The following ADAMTS19 variants were observed in gnomAD, a reference collection of about 807,000 sequenced individuals.
ADAMTS19 encodes the protein ADAM metallopeptidase with thrombospondin type 1 motif 19.
In ADAMTS19, 93 loss-of-function variants were observed where a neutral mutation model predicts 153.3. The observed-to-expected ratio is 0.61, with a 90% CI of 0.51 to 0.72. The LOEUF is 0.72. ADAMTS19 is among the 30% of genes least tolerant of loss of function. ADAMTS19 has a pLI of 0.00. For synonymous variants in ADAMTS19, 600 were observed against 556.6 expected, an observed-to-expected ratio of 1.08 and a Z score of -1.10; for missense variants, 1,482 against 1,552.1, an observed-to-expected ratio of 0.95 and a Z score of 0.76.
At position 129,612,952 on chromosome 5, in the gene ADAMTS19, A is replaced by C. The variant is rs567557560; in HGVS notation, c.1479-7666A>C. Among the ~76,000 whole-genome samples, 10 of 152,340 alleles carry C rather than the reference A, an allele frequency of 6.6e-5. No individual in the cohort carries two copies. In the South Asian group the frequency reaches 2.1e-3, roughly 32 times the overall value. On this transcript the variant is annotated intron_variant, in intron 8 of 22. Coordinates refer to ENST00000274487, the MANE Select transcript of ADAMTS19 (RefSeq NM_133638.6). Reference sequence around the variant, plus strand: ...AAAAGAGACAAAGAAGGCATTACATAATGGTAAAGGGATCAATTGAAAAAG... The same window carrying C: ...AAAAGAGACAAAGAAGGCATTACATCATGGTAAAGGGATCAATTGAAAAAG...
At chr5:129,474,859 G>A (rs1465166847) in intron 2 of ADAMTS19, among the ~76,000 whole-genome samples, 1 of 152,076 alleles carries the variant, frequency 6.6e-6, no homozygotes, top group African/African-American at 2.4e-5. Flanking sequence ...AGGTTCATGC[G>A]CCAGTTCATA....
chr5:129,505,462 A>G (rs1290627143), intron 2 of ADAMTS19, among the ~76,000 whole-genome samples: 1 of 152,188 alleles, frequency 6.6e-6, no homozygotes, highest in African/African-American at 2.4e-5. Context: ...TGAATAAATG[A>G]ACCATTTATA....
intron 16 of ADAMTS19, among the ~76,000 whole-genome samples, chr5:129,668,437 A>G (rs1043987517): frequency 1.3e-5 from 2 of 152,192 alleles, no homozygotes; most frequent in African/African-American, 4.8e-5. Flanking sequence ...TCAAGGCACT[A>G]ATAGATTTGG....
intron 7 of ADAMTS19, among the ~76,000 whole-genome samples, chr5:129,596,175 CTG>C (rs1248512158): frequency 1.3e-5 from 2 of 151,914 alleles, no homozygotes; most frequent in Non-Finnish European, 2.9e-5. Context: ...TTTTTTGAAA[CTG>C]TGTTCTTCAC....
intron 8 of ADAMTS19, among the ~76,000 whole-genome samples, chr5:129,608,470 A>G (rs1366691101): frequency 1.3e-5 from 2 of 152,106 alleles, no homozygotes; most frequent in Non-Finnish European, 2.9e-5. Flanking sequence ...CAGGAGGCAT[A>G]CATAGATTTG....
At chr5:129,690,656 A>G (rs1267386269) in intron 18 of ADAMTS19, among the ~76,000 whole-genome samples, 1 of 152,184 alleles carries the variant, frequency 6.6e-6, no homozygotes, top group Non-Finnish European at 1.5e-5. Flanking sequence ...AAGTCGTTTA[A>G]GTTAAATAAA....
At position 129,710,094 on chromosome 5, in the gene ADAMTS19, G is replaced by A. The variant is rs922492357; in HGVS notation, c.3312+5703G>A. Among the ~76,000 whole-genome samples the A allele has an allele frequency of 2.6e-5, 4 of 152,024 alleles. No individual in the cohort carries two copies. In the East Asian group the frequency reaches 7.7e-4, roughly 29 times the overall value. On this transcript the variant is annotated intron_variant, in intron 21 of 22. Transcript: ENST00000274487. Reference sequence around the variant, plus strand: ...ATCACCTAGGTATTAAGCCCTGCATGTATTAGCTATTTATCCTGATGCTCT... The same window carrying A: ...ATCACCTAGGTATTAAGCCCTGCATATATTAGCTATTTATCCTGATGCTCT...
chr5:129,564,079 C>T (rs1406496834), intron 7 of ADAMTS19, among the ~76,000 whole-genome samples: 1 of 151,992 alleles, frequency 6.6e-6, no homozygotes, highest in Non-Finnish European at 1.5e-5. Flanking sequence ...GCCACCATGC[C>T]CAGCTAATTT....
At chr5:129,596,766 A>G (rs1581127123) in intron 8 of ADAMTS19, 102 bp downstream of exon 8, 1 of 866,656 alleles carries the variant, frequency 1.2e-6, no homozygotes, top group Non-Finnish European at 1.7e-6. Flanking sequence ...TTGGGCTTCA[A>G]GTTTTTGAAA....
chr5:129,488,481 A>G (rs1750667379), intron 2 of ADAMTS19, among the ~76,000 whole-genome samples: 1 of 152,090 alleles, frequency 6.6e-6, no homozygotes, highest in African/African-American at 2.4e-5. Context: ...GTTTAAGAAA[A>G]TTAATCTAAG....
chr5:129,534,226 G>A (rs1258790471), intron 6 of ADAMTS19, among the ~76,000 whole-genome samples: 1 of 152,102 alleles, frequency 6.6e-6, no homozygotes, highest in East Asian at 1.9e-4. Context: ...ATGTGTGGGA[G>A]TCTAAGTCTC....
chr5:129,682,171 A>G (rs1019674920), intron 17 of ADAMTS19, among the ~76,000 whole-genome samples: 1 of 152,204 alleles, frequency 6.6e-6, no homozygotes, highest in Non-Finnish European at 1.5e-5. Context: ...CATGAAGCAT[A>G]ATTAAACTCA....
chr5:129,666,701 AT>A (rs762419498), intron 16 of ADAMTS19, among the ~76,000 whole-genome samples: 1 of 152,212 alleles, frequency 6.6e-6, no homozygotes, highest in Non-Finnish European at 1.5e-5. Flanking sequence ...TATTTAATCT[AT>A]TTTACTTACT....
At chr5:129,637,735 C>T (rs1752595946) in intron 10 of ADAMTS19, among the ~76,000 whole-genome samples, 1 of 152,116 alleles carries the variant, frequency 6.6e-6, no homozygotes, top group South Asian at 2.1e-4. Flanking sequence ...ATCCCAGCTA[C>T]TTAGGTGGCT....
chr5:129,524,620 A>T (rs1751939189), intron 3 of ADAMTS19, among the ~76,000 whole-genome samples: 2 of 151,924 alleles, frequency 1.3e-5, no homozygotes. Context: ...GAAAAAAAAA[A>T]AACATCAAAA....
intron 13 of ADAMTS19, 82 bp from the exon 14 acceptor site, chr5:129,654,224 A>C (rs1463889591): frequency 7.5e-7 from 1 of 1,332,550 alleles, no homozygotes; most frequent in African/African-American, 1.5e-5. Context: ...TTACTCAATA[A>C]CGATTCTTAA....
chr5:129,614,527 G>C (rs1355115393), intron 8 of ADAMTS19, among the ~76,000 whole-genome samples: 1 of 152,016 alleles, frequency 6.6e-6, no homozygotes, highest in Non-Finnish European at 1.5e-5. Flanking sequence ...GTCTTGATGG[G>C]ACGTATCTCA....
chr5:129,559,188 A>G (rs1753414979), intron 7 of ADAMTS19, among the ~76,000 whole-genome samples: 1 of 152,070 alleles, frequency 6.6e-6, no homozygotes, highest in Non-Finnish European at 1.5e-5. Context: ...AGACATTACA[A>G]TGTGAAATGA....
At chr5:129,678,823 C>A (rs1393819473) in intron 16 of ADAMTS19, among the ~76,000 whole-genome samples, 2 of 152,050 alleles carry the variant, frequency 1.3e-5, no homozygotes, top group Non-Finnish European at 1.5e-5. Flanking sequence ...AATCTTCAAA[C>A]ATCTAATACT....
Sources: allele counts gnomAD v4.1 joint callset (sites outside exome capture counted in the v4.1 genomes callset), GRCh38; gene constraint gnomAD v4.1.1; transcripts MANE v1.5; gene names NCBI Gene and HGNC (gene_info 2026-07-23, HGNC 2026-07-21).